Variants in ACOX3 observed in about 807,000 individuals in gnomAD.
The protein encoded by ACOX3 is peroxisomal acyl-coenzyme A oxidase 3.
A neutral mutation model predicts 81.5 loss-of-function variants in ACOX3; 73 were observed. That is an observed-to-expected ratio of 0.90 (90% CI 0.74 to 1.09). The LOEUF is 1.09. Among genes scored for constraint, ACOX3 ranks in the 50% least tolerant of loss-of-function variants. ACOX3 has a pLI of 0.00. For missense variants in ACOX3, 947 were observed against 928.0 expected (o/e 1.02, Z -0.27); for synonymous variants, 387 against 375.1 (o/e 1.03, Z -0.37).
Position 8,399,198 on chromosome 4 carries a change from C to T in ACOX3, c.873+358G>A, listed in dbSNP as rs980763526. ...TAAGCCAGGCGTGAGTTCTGGACAC[C>T]GGGGAACTCTGTTTGTCGTCCCCCT... On this transcript the variant is annotated intron_variant, in intron 8 of 17. Coordinates refer to ENST00000356406, the MANE Select transcript of ACOX3 (RefSeq NM_003501.3). This position sits in a 1 kb window ranked among gnomAD's most constrained non-coding sequence, Gnocchi z 4.9. 3.3e-5 allele frequency among the ~76,000 whole-genome samples: 5 copies of T among 152,194 alleles called. No homozygotes were observed. Among genetic ancestry groups the T allele is most frequent in the Admixed American group, 2.6e-4 (4 of 15,274 alleles).
At chr4:8,379,622 C>T (rs1190809057) in intron 14 of ACOX3, among the ~76,000 whole-genome samples, 2 of 152,180 alleles carry the variant, frequency 1.3e-5, no homozygotes, top group African/African-American at 4.8e-5. Flanking sequence ...TGGGGTCACA[C>T]ATGCCAGGTC....
intron 1 of ACOX3, among the ~76,000 whole-genome samples, chr4:8,424,941 C>T (rs924892010): frequency 5.9e-5 from 9 of 152,166 alleles, no homozygotes; most frequent in East Asian, 5.8e-4. Context: ...CAGGAACTAG[C>T]GCTCAGCTGG....
At chr4:8,422,760 G>T (rs77284578) in intron 1 of ACOX3, among the ~76,000 whole-genome samples, 4 of 152,220 alleles carry the variant, frequency 2.6e-5, no homozygotes, top group Non-Finnish European at 5.9e-5. Context: ...AATTGGGGGA[G>T]GAGAGCATCT....
chr4:8,406,282 C>T lies in ACOX3; in HGVS notation c.688-239G>A, dbSNP rs1720939264. ...TTAAGAGCATCAAGATAAGGTCATC[C>T]CAAATCACCCAGGTGGGCCCTAAAT... On this transcript the variant is annotated intron_variant, in intron 6 of 17. Transcript: ENST00000356406. This position sits in a 1 kb window ranked among gnomAD's most constrained non-coding sequence, Gnocchi z 5.6. 6.6e-6 allele frequency among the ~76,000 whole-genome samples: 1 copy of T among 152,120 alleles called. No homozygotes were observed. The highest frequency in any genetic ancestry group is 1.5e-5 in the Non-Finnish European group (1 of 68,040).
Position 8,366,787 on chromosome 4 carries a change from G to T in ACOX3, c.*174C>A. Reference sequence around the variant, plus strand: ...GATCCCAGATTAGTCCAGCCGGCCGGGTGCCTCCCTCCCGTCCGCCTGGGC... The same window carrying T: ...GATCCCAGATTAGTCCAGCCGGCCGTGTGCCTCCCTCCCGTCCGCCTGGGC... On this transcript the variant is annotated 3_prime_UTR_variant, in exon 18 of 18. Transcript: ENST00000356406. 1.3e-6 allele frequency: 1 copy of T among 779,670 alleles called. No individual in the cohort carries two copies. 48.3% of individuals were successfully genotyped at this position (779,670 alleles called of 1,614,324 possible).
chr4:8,427,273 C>T lies in ACOX3; in HGVS notation c.-14-10738G>A, dbSNP rs1723586174. Among the ~76,000 whole-genome samples the T allele has an allele frequency of 1.3e-5, 2 of 152,192 alleles. 1 individual carries two copies. The highest frequency in any genetic ancestry group is 4.1e-4 in the South Asian group (2 of 4,828). ...AGGATATAAACCCAGGCATTCAAGCCGAATCGGGCAACCCTCTTTGGGTCC... is the reference window on the plus strand; with the variant it reads ...AGGATATAAACCCAGGCATTCAAGCTGAATCGGGCAACCCTCTTTGGGTCC... On this transcript the variant is annotated intron_variant, in intron 1 of 17. Coordinates refer to ENST00000356406, the MANE Select transcript of ACOX3 (RefSeq NM_003501.3).
chr4:8,381,701 T>C lies in ACOX3; in HGVS notation c.1538-94A>G, dbSNP rs888630248. ...CAGGGACAAGGCACTGCCAGCATCC[T>C]GCAGGTACCAGGTTGTCTTCATTGA... is the stretch of plus-strand genomic sequence containing the variant. On this transcript the variant is annotated intron_variant, in intron 13 of 17. Transcript: ENST00000356406. This position sits in a 1 kb window ranked among gnomAD's most constrained non-coding sequence, Gnocchi z 4.3. 1.1e-6 allele frequency: 1 copy of C among 908,780 alleles called. No homozygotes were observed. The highest frequency in any genetic ancestry group is 1.7e-6 in the Non-Finnish European group (1 of 579,308). The allele number at this position is 908,780 out of a possible 1,614,324, so 56.3% of individuals were successfully genotyped here.
chr4:8,371,155 G>T (rs1347846026), intron 16 of ACOX3, among the ~76,000 whole-genome samples, 161 bp from the exon 17 acceptor site: 1 of 152,212 alleles, frequency 6.6e-6, no homozygotes, highest in East Asian at 1.9e-4. Context: ...CACCGGCCTG[G>T]ATTCGAGGCC....
At chr4:8,380,216 G>A (rs1717465461) in intron 14 of ACOX3, among the ~76,000 whole-genome samples, 1 of 140,030 alleles carries the variant, frequency 7.1e-6, no homozygotes, top group Admixed American at 7.2e-5. Flanking sequence ...TTGAGATGGA[G>A]TCTTGCTCTG....
chr4:8,367,494 A>G (rs112025492), intron 17 of ACOX3, among the ~76,000 whole-genome samples: 2,510 of 152,130 alleles, frequency 0.016, 76 homozygotes, highest in African/African-American at 0.056. Context: ...AAAACAAACA[A>G]ACAACAACAA....
At chr4:8,413,205 TA>T (rs1344467349) in intron 5 of ACOX3, among the ~76,000 whole-genome samples, 3 of 30,274 alleles carry the variant, frequency 9.9e-5, no homozygotes, top group East Asian at 1.1e-3. Flanking sequence ...CACCCCTCCA[TA>T]GTACTGACAG....
chr4:8,426,465 C>G lies in ACOX3; in HGVS notation c.-14-9930G>C, dbSNP rs114131448. Among the ~76,000 whole-genome samples the G allele has an allele frequency of 5.4e-3, 821 of 152,174 alleles. 8 individuals carry two copies. The highest frequency in any genetic ancestry group is 0.019 in the African/African-American group (784 of 41,492). On this transcript the variant is annotated intron_variant, in intron 1 of 17. Transcript: ENST00000356406. ...TCTGCACCTGCTCTTCAAGCGACAACTGCGAGGAAAGTAACTGGAATCGTA... is the reference window on the plus strand; with the variant it reads ...TCTGCACCTGCTCTTCAAGCGACAAGTGCGAGGAAAGTAACTGGAATCGTA...
intron 1 of ACOX3, among the ~76,000 whole-genome samples, chr4:8,420,638 G>A (rs1258272399): frequency 6.6e-6 from 1 of 152,122 alleles, no homozygotes; most frequent in East Asian, 1.9e-4. Flanking sequence ...CGCCCTTTGG[G>A]TACCCCCCCG....
chr4:8,389,061 C>T lies in ACOX3; in HGVS notation c.1537+112G>A. The stretch of plus-strand genomic sequence containing the variant: ...CTGCATGCGGGGCCTCCCACCACCA[C>T]TGCTGCCCCGGCTGGAACTGCCAAG... On this transcript the variant is annotated intron_variant, in intron 13 of 17. Transcript: ENST00000356406. This position sits in a 1 kb window ranked among gnomAD's most constrained non-coding sequence, Gnocchi z 5.3. 1 of 834,522 alleles carries T rather than the reference C, an allele frequency of 1.2e-6. No homozygotes were observed. Among genetic ancestry groups the T allele is most frequent in the Non-Finnish European group, 1.9e-6 (1 of 514,512 alleles). 51.7% of individuals were successfully genotyped at this position (834,522 alleles called of 1,614,324 possible).
rs1578973923 is a variant in ACOX3 at position 8,416,491 on chromosome 4, C to G, written c.31G>C (p.Ala11Pro). ...CCCCTGGGGAATTCTGGGAGCAGAG[C>G]TGTGTCGCCTCCTTCCACAGTGGAT... MASTVEGGDT[A>P]LLPEFPRGPL... is the part of the protein sequence containing the mutation. Residue 11 changes from alanine (A) to proline (P), a missense_variant, in exon 2 of 18, where the codon GCT becomes CCT. By Grantham distance (27) the Ala-to-Pro change is conservative (BLOSUM62 -1). Transcript: ENST00000356406. The surrounding 1 kb of genome is among the most constrained non-coding windows in gnomAD (Gnocchi z 4.2). 12 of 1,612,294 alleles carry G rather than the reference C, an allele frequency of 7.4e-6. No homozygotes were observed. The highest frequency in any genetic ancestry group is 9.3e-6 in the Non-Finnish European group (11 of 1,178,930).
At chr4:8,397,944 T>C (rs1387741528) in intron 8 of ACOX3, among the ~76,000 whole-genome samples, 1 of 152,202 alleles carries the variant, frequency 6.6e-6, no homozygotes, top group Non-Finnish European at 1.5e-5. Flanking sequence ...GCAGATCACC[T>C]GAGGTCAGGA....
chr4:8,357,017 G>A, the ACOX3 span: 4 of 456,490 alleles, frequency 8.8e-6, no homozygotes, highest in South Asian at 6.2e-5. Flanking sequence ...GCAGAATGGT[G>A]CATGCTAACG....
chr4:8,434,164 C>T (rs954047586), intron 1 of ACOX3, among the ~76,000 whole-genome samples: 1 of 152,186 alleles, frequency 6.6e-6, no homozygotes, highest in Non-Finnish European at 1.5e-5. Context: ...GTTAGCTGAT[C>T]CATGTAGCCC....
chr4:8,408,137 T>C (rs1721219281), intron 6 of ACOX3, among the ~76,000 whole-genome samples: 1 of 151,980 alleles, frequency 6.6e-6, no homozygotes, highest in South Asian at 2.1e-4. Flanking sequence ...CAATTCACCA[T>C]CTAACTTCAC....
Sources: allele counts gnomAD v4.1 joint callset (sites outside exome capture counted in the v4.1 genomes callset), GRCh38; gene constraint gnomAD v4.1.1; non-coding constraint Gnocchi (gnomAD v3.1); transcripts MANE v1.5; gene names NCBI Gene and HGNC (gene_info 2026-07-23, HGNC 2026-07-21).